TDRD12: variants seen among roughly 807,000 people sequenced by gnomAD.
The protein encoded by TDRD12 is putative ATP-dependent RNA helicase TDRD12.
TDRD12 carries 158 observed loss-of-function variants against 133.5 expected under a neutral mutation model. The ratio of observed to expected loss-of-function variants is 1.18; its 90% confidence interval spans 1.04 to 1.35. The LOEUF (loss-of-function observed/expected upper bound fraction) is 1.35. Among genes scored for constraint, TDRD12 ranks in the 40% most tolerant of loss-of-function variants. The probability of loss-of-function intolerance (pLI) is 0.00; values close to 1 mark genes in which losing one functional copy is unlikely to be tolerated. For missense variants in TDRD12, 1,443 were observed against 1,321.3 expected (o/e 1.09, Z -1.43); for synonymous variants, 460 against 477.9 (o/e 0.96, Z 0.49).
chr19:32,807,651 A>C lies in TDRD12; in HGVS notation c.2652+3A>C. The C allele has an allele frequency of 2.0e-6, 3 of 1,519,444 alleles. No individual in the cohort carries two copies. Among genetic ancestry groups the C allele is most frequent in the Non-Finnish European group, 2.6e-6 (3 of 1,139,244 alleles). 94.1% of individuals were successfully genotyped at this position (1,519,444 alleles called of 1,614,324 possible). ...TACCTTCATTTGGATACATTAAAGT[A>C]GGTTTGGTTAAAGATGCTTGTGTCC... On this transcript the variant is annotated splice_donor_region_variant and intron_variant, in intron 22 of 27. Coordinates refer to ENST00000444215, the Ensembl canonical transcript of TDRD12.
At chr19:32,738,906 C>A in exon 3 of TDRD12, 2 of 1,551,420 alleles carry the variant, frequency 1.3e-6, no homozygotes, top group Non-Finnish European at 1.7e-6. Flanking sequence ...GGGCCATTGT[C>A]AAATCAATTA....
At chr19:32,799,277 T>C (rs1448091842) in intron 16 of TDRD12, among the ~76,000 whole-genome samples, 1 of 152,152 alleles carries the variant, frequency 6.6e-6, no homozygotes, top group Non-Finnish European at 1.5e-5. Context: ...GTTCTGATTT[T>C]TGTAAAACTA....
At chr19:32,773,361 C>T (rs1225850128) in intron 9 of TDRD12, 95 bp from the exon 10 acceptor site, 9 of 1,089,852 alleles carry the variant, frequency 8.3e-6, no homozygotes, top group Non-Finnish European at 1.1e-5. Context: ...GATGGTTGTT[C>T]ATGAGAATAA....
At chr19:32,720,265 C>T (rs1189630035) in intron 1 of TDRD12, among the ~76,000 whole-genome samples, 169 bp downstream of exon 1, 1 of 96,630 alleles carries the variant, frequency 1.0e-5, no homozygotes, top group Admixed American at 1.0e-4. Flanking sequence ...CCCCACCCCT[C>T]CCCCCATCCC....
chr19:32,752,685 T>G (rs1969866839), intron 6 of TDRD12, among the ~76,000 whole-genome samples: 1 of 152,130 alleles, frequency 6.6e-6, no homozygotes, highest in Non-Finnish European at 1.5e-5. Context: ...TTTTGTATAC[T>G]TTCAATGTGC....
downstream of TDRD12, chr19:32,825,965 A>C (rs924123769): frequency 1.6e-6 from 1 of 615,982 alleles, no homozygotes; most frequent in African/African-American, 1.8e-5. The surrounding 1 kb of genome is among the most constrained non-coding windows in gnomAD (Gnocchi z 4.1). Context: ...TACTAGGGTT[A>C]CTCAATTTAC....
At chr19:32,720,270 C>T (rs1276024182) in intron 1 of TDRD12, among the ~76,000 whole-genome samples, 174 bp downstream of exon 1, 13 of 99,048 alleles carry the variant, frequency 1.3e-4, no homozygotes, top group African/African-American at 4.8e-4. Flanking sequence ...CCCCTCCCCC[C>T]ATCCCAGCCT....
chr19:32,781,632 T>C (rs1301628674), intron 11 of TDRD12, among the ~76,000 whole-genome samples: 1 of 152,236 alleles, frequency 6.6e-6, no homozygotes, highest in African/African-American at 2.4e-5. Context: ...GTTTCTAGTG[T>C]AGAGACGTCC....
chr19:32,804,592 C>CT (rs1971490421), intron 21 of TDRD12, among the ~76,000 whole-genome samples: 1 of 151,236 alleles, frequency 6.6e-6, no homozygotes, highest in South Asian at 2.1e-4. Flanking sequence ...ACTTGGGAGG[C>CT]TGAGGCAGGA....
At chr19:32,821,371 T>A (rs1481471513), downstream of TDRD12, 137 of 139,798 alleles carry the variant, frequency 9.8e-4, no homozygotes, top group East Asian at 6.3e-3. Context: ...CTCAGCAGAG[T>A]GTGTGTGTGT....
Position 32,773,428 on chromosome 19 carries a change from C to T in TDRD12, c.964-28C>T, listed in dbSNP as rs1470374306. The T allele has an allele frequency of 2.6e-6, 4 of 1,545,882 alleles. No homozygotes were observed. The African/African-American group carries it at 5.5e-5, about 21-fold the overall frequency. The stretch of plus-strand genomic sequence containing the variant: ...ATATTATGTTGCTAGCATACACATT[C>T]TTTCTGAAGAAAAGTTTTCTTTTAC... On this transcript the variant is annotated intron_variant, in intron 9 of 27. Transcript: ENST00000444215.
At chr19:32,737,107 G>T (rs1338015395) in intron 2 of TDRD12, among the ~76,000 whole-genome samples, 1 of 152,128 alleles carries the variant, frequency 6.6e-6, no homozygotes, top group African/African-American at 2.4e-5. Context: ...TGCACATTAT[G>T]TAAAAATTGC....
chr19:32,760,663 C>T (rs1970124605), intron 8 of TDRD12, among the ~76,000 whole-genome samples: 1 of 152,158 alleles, frequency 6.6e-6, no homozygotes. Context: ...TCACTTTAGA[C>T]ATTGTCTTGA....
At position 32,788,185 on chromosome 19, in the gene TDRD12, C is replaced by G. The variant is rs145373637; in HGVS notation, c.1122-2346C>G. 4.4e-3 allele frequency among the ~76,000 whole-genome samples: 669 copies of G among 151,200 alleles called. 5 individuals are homozygous for G. Among genetic ancestry groups the G allele is most frequent in the African/African-American group, 0.015 (634 of 41,124 alleles). ...TTGCCCAGGCTGGAGTGCAGTGGTG[C>G]GATGTCGGCTCACTGCAGCTTCTGC... On this transcript the variant is annotated intron_variant, in intron 11 of 27. Transcript: ENST00000444215.
intron 21 of TDRD12, 106 bp downstream of exon 21, chr19:32,803,248 T>A: frequency 1.2e-6 from 1 of 842,126 alleles, no homozygotes; most frequent in Non-Finnish European, 1.8e-6. Flanking sequence ...CACCACCCAC[T>A]CTGAGGGAGC....
intron 12 of TDRD12, 58 bp from the exon 13 acceptor site, chr19:32,790,906 T>C (rs1971050345): frequency 6.7e-7 from 1 of 1,499,834 alleles, no homozygotes; most frequent in Non-Finnish European, 8.8e-7. Flanking sequence ...AAGTTCTTGA[T>C]CTCCTGTGCT....
chr19:32,750,597 T>C (rs1969794459), intron 6 of TDRD12, among the ~76,000 whole-genome samples: 1 of 152,178 alleles, frequency 6.6e-6, no homozygotes, highest in Non-Finnish European at 1.5e-5. Context: ...ACTGAAAACC[T>C]GCAGGCAGGT....
intron 15 of TDRD12, 28 bp from the exon 16 acceptor site, chr19:32,798,278 GAA>G: frequency 6.6e-7 from 1 of 1,515,352 alleles, no homozygotes; most frequent in East Asian, 2.5e-5. Flanking sequence ...GTGGAAAATT[GAA>G]AATGTTCACT....
downstream of TDRD12, among the ~76,000 whole-genome samples, chr19:32,823,048 T>C (rs142807732): frequency 4.5e-3 from 693 of 152,310 alleles, 5 homozygotes; most frequent in African/African-American, 0.016. Context: ...GTTCTGCACC[T>C]CTGCTGTGGT....
Sources: gnomAD v4.1 joint callset for allele counts (sites outside exome capture counted in the v4.1 genomes callset) on GRCh38, gnomAD v4.1.1 for gene constraint, Gnocchi (gnomAD v3.1) non-coding constraint, MANE v1.5 for transcripts, NCBI Gene and HGNC (gene_info 2026-07-23, HGNC 2026-07-21) for gene names.